The following RIMS2 variants were observed in gnomAD, a reference collection of about 807,000 sequenced individuals.
RIMS2 encodes regulating synaptic membrane exocytosis protein 2.
A neutral mutation model predicts 174.4 loss-of-function variants in RIMS2; 59 were observed. The ratio of observed to expected loss-of-function variants is 0.34; its 90% CI spans 0.27 to 0.42. The LOEUF (loss-of-function observed/expected upper bound fraction) is 0.42. Among genes scored for constraint, RIMS2 ranks in the 10% least tolerant of loss-of-function variants. The probability of loss-of-function intolerance (pLI) is 1.00; values close to 1 mark genes in which losing one functional copy is unlikely to be tolerated. For missense variants in RIMS2, 1,620 were observed against 1,666.3 expected (o/e 0.97, Z 0.48); for synonymous variants, 606 against 572.5 (o/e 1.06, Z -0.84).
intron 17 of RIMS2, among the ~76,000 whole-genome samples, chr8:104,007,318 C>T (rs1476374615): frequency 6.6e-6 from 1 of 152,120 alleles, no homozygotes; most frequent in African/African-American, 2.4e-5. Flanking sequence ...TGCGCTACTG[C>T]TGAATTATTC....
chr8:103,750,803 T>G (rs982032248), intron 2 of RIMS2, among the ~76,000 whole-genome samples: 3 of 152,124 alleles, frequency 2.0e-5, no homozygotes, highest in African/African-American at 7.2e-5. Context: ...TTCCTGAGGC[T>G]TCACCAGCAA....
chr8:104,115,190 C>T (rs923044149), intron 19 of RIMS2, among the ~76,000 whole-genome samples: 1 of 152,022 alleles, frequency 6.6e-6, no homozygotes, highest in African/African-American at 2.4e-5. Context: ...TAACAGCTGC[C>T]TTTCGCTTTT....
chr8:103,901,765 T>C (rs1265567416), intron 4 of RIMS2, among the ~76,000 whole-genome samples: 1 of 152,170 alleles, frequency 6.6e-6, no homozygotes, highest in East Asian at 1.9e-4. Context: ...TTATGGATAA[T>C]GTTTATCATC....
intron 19 of RIMS2, among the ~76,000 whole-genome samples, chr8:104,155,959 A>T (rs2098721311): frequency 6.6e-6 from 1 of 152,194 alleles, no homozygotes. Flanking sequence ...TATTAACAAG[A>T]AACCTTACCC....
At chr8:103,650,557 G>A (rs926267118) in intron 1 of RIMS2, among the ~76,000 whole-genome samples, 1 of 152,236 alleles carries the variant, frequency 6.6e-6, no homozygotes, top group African/African-American at 2.4e-5. Flanking sequence ...ACCCCTGGGA[G>A]CTTCATCCCT....
intron 4 of RIMS2, among the ~76,000 whole-genome samples, chr8:103,898,817 G>T (rs1376369673): frequency 6.6e-6 from 1 of 151,322 alleles, no homozygotes; most frequent in African/African-American, 2.5e-5. Context: ...TTGGTGTGCT[G>T]CACCCATGAA....
intron 3 of RIMS2, among the ~76,000 whole-genome samples, chr8:103,799,349 A>G (rs1259488047): frequency 6.6e-6 from 1 of 152,166 alleles, no homozygotes; most frequent in East Asian, 1.9e-4. Flanking sequence ...TGAATATACT[A>G]TATTTTATTT....
chr8:103,965,917 T>C (rs966300328), intron 15 of RIMS2, among the ~76,000 whole-genome samples: 1 of 152,130 alleles, frequency 6.6e-6, no homozygotes, highest in Non-Finnish European at 1.5e-5. Flanking sequence ...TGATTTTTTT[T>C]TATAGCCTGT....
chr8:103,529,889 A>G (rs943668437), intron 1 of RIMS2, among the ~76,000 whole-genome samples: 1 of 152,158 alleles, frequency 6.6e-6, no homozygotes, highest in Non-Finnish European at 1.5e-5. Flanking sequence ...AAATATTTTG[A>G]TCTGTGGTTG....
At chr8:104,082,958 G>C (rs1300064692) in intron 19 of RIMS2, among the ~76,000 whole-genome samples, 5 of 152,050 alleles carry the variant, frequency 3.3e-5, no homozygotes, top group Admixed American at 3.3e-4. Flanking sequence ...CAGACAAAGA[G>C]TCCCATTAGG....
chr8:103,948,470 C>T (rs1417887011), intron 14 of RIMS2, among the ~76,000 whole-genome samples: 1 of 152,128 alleles, frequency 6.6e-6, no homozygotes, highest in Non-Finnish European at 1.5e-5. Context: ...GGTATATCCT[C>T]ACAATTGATT....
At chr8:103,542,219 C>A (rs770094300) in intron 1 of RIMS2, among the ~76,000 whole-genome samples, 1 of 152,002 alleles carries the variant, frequency 6.6e-6, no homozygotes, top group South Asian at 2.1e-4. Flanking sequence ...TAACTATACA[C>A]CAAAAAACTG....
At chr8:104,014,413 T>C (rs995858675) in intron 18 of RIMS2, 93 bp from the exon 21 acceptor site, 7 of 630,692 alleles carry the variant, frequency 1.1e-5, no homozygotes, top group Non-Finnish European at 1.9e-5. Context: ...TCTTTTTAAA[T>C]TGTATTTATA....
chr8:103,821,127 G>A (rs2098749312), intron 3 of RIMS2, among the ~76,000 whole-genome samples: 1 of 151,194 alleles, frequency 6.6e-6, no homozygotes. Flanking sequence ...GTAAGGAATT[G>A]GTTTTAAAGT....
chr8:103,685,006 C>T (rs1471054801), intron 1 of RIMS2, among the ~76,000 whole-genome samples: 3 of 151,748 alleles, frequency 2.0e-5, no homozygotes, highest in African/African-American at 7.3e-5. Context: ...TAGTTTTAGC[C>T]ATTATATTTA....
intron 3 of RIMS2, among the ~76,000 whole-genome samples, chr8:103,789,516 A>C (rs188497750): frequency 3.3e-5 from 5 of 152,268 alleles, no homozygotes; most frequent in East Asian, 3.9e-4. Flanking sequence ...CATATAATGT[A>C]ACCTAATAAT....
chr8:103,558,546 T>A (rs2090958241), intron 1 of RIMS2, among the ~76,000 whole-genome samples: 1 of 152,200 alleles, frequency 6.6e-6, no homozygotes. Flanking sequence ...CTTTGGCCTT[T>A]TTAACCATTT....
At chr8:104,180,542 A>G (rs1563585080) in intron 19 of RIMS2, among the ~76,000 whole-genome samples, 1 of 151,652 alleles carries the variant, frequency 6.6e-6, no homozygotes, top group Non-Finnish European at 1.5e-5. Flanking sequence ...TAAAAACAGG[A>G]AGGAGGAGAA....
intron 14 of RIMS2, among the ~76,000 whole-genome samples, chr8:103,950,834 G>A (rs2085168418): frequency 6.6e-6 from 1 of 152,154 alleles, no homozygotes; most frequent in African/African-American, 2.4e-5. Context: ...GTAAAAGGGT[G>A]CTTATTTGCA....
Sources: gnomAD v4.1 joint callset for allele counts (sites outside exome capture counted in the v4.1 genomes callset) on GRCh38, gnomAD v4.1.1 for gene constraint, MANE v1.5 for transcripts, NCBI Gene and HGNC (gene_info 2026-07-23, HGNC 2026-07-21) for gene names.